LRRC74A: variants seen among roughly 807,000 people sequenced by gnomAD.
The protein encoded by LRRC74A is leucine rich repeat containing 74A, also known as leucine-rich repeat-containing protein 74A.
A neutral mutation model predicts 57.9 loss-of-function variants in LRRC74A; 44 were observed. The ratio of observed to expected loss-of-function variants is 0.76; its 90% CI spans 0.60 to 0.98. The LOEUF is 0.98. Ranked by LOEUF, LRRC74A falls within the 50% of genes least tolerant of loss-of-function variation. The pLI, the probability that LRRC74A is intolerant of heterozygous loss-of-function variation, is 0.00. For missense variants in LRRC74A, 572 were observed against 574.0 expected (o/e 1.00, Z 0.04); for synonymous variants, 211 against 219.4 (o/e 0.96, Z 0.34).
intron 5 of LRRC74A, among the ~76,000 whole-genome samples, chr14:76,843,249 C>T (rs922241127): frequency 1.4e-5 from 2 of 144,906 alleles, no homozygotes; most frequent in African/African-American, 2.6e-5. Flanking sequence ...CGCCACTGCA[C>T]TGCACTCCAG....
chr14:76,831,514 G>A lies in LRRC74A; in HGVS notation c.339+139G>A. The A allele has an allele frequency of 4.5e-6, 4 of 895,682 alleles. No individual in the cohort carries two copies. In the South Asian group the frequency reaches 7.4e-5, roughly 17 times the overall value. The allele number at this position is 895,682 out of a possible 1,614,324, so 55.5% of individuals were successfully genotyped here. On this transcript the variant is annotated intron_variant, in intron 3 of 13. Transcript: ENST00000689127. ...CTTATGCCACACTGCCCTGGGCTCT[G>A]CTTGGCTGCCAGATGATTTATTTAG...
At chr14:76,838,017 A>T (rs1896489748) in intron 5 of LRRC74A, 46 bp downstream of exon 5, 1 of 1,250,330 alleles carries the variant, frequency 8.0e-7, no homozygotes, top group Middle Eastern at 1.9e-4. Context: ...AATCAGAGGG[A>T]GGGAAGAGGG....
chr14:76,865,394 AT>A (rs1284822568), intron 11 of LRRC74A, among the ~76,000 whole-genome samples: 1 of 152,132 alleles, frequency 6.6e-6, no homozygotes, highest in African/African-American at 2.4e-5. Flanking sequence ...GGATGACTAT[AT>A]TTTTTAAATG....
At chr14:76,832,413 T>C (rs1474839528) in intron 3 of LRRC74A, among the ~76,000 whole-genome samples, 2 of 152,212 alleles carry the variant, frequency 1.3e-5, no homozygotes, top group East Asian at 1.9e-4. Context: ...GCTTAAGTGA[T>C]CCTCCTGCCT....
At chr14:76,864,744 C>G (rs1208245715) in intron 11 of LRRC74A, among the ~76,000 whole-genome samples, 3 of 152,066 alleles carry the variant, frequency 2.0e-5, no homozygotes, top group African/African-American at 7.2e-5. Flanking sequence ...ATCCCAGCTA[C>G]CCGGGAGGCT....
intron 13 of LRRC74A, among the ~76,000 whole-genome samples, chr14:76,869,473 G>A (rs775470512): frequency 4.6e-3 from 1 of 216 alleles, no homozygotes; most frequent in Non-Finnish European, 9.6e-3. Context: ...TCTAAACCCG[G>A]CTGGGCGCGG....
chr14:76,826,687 G>T lies in LRRC74A; in HGVS notation c.-11G>T, dbSNP rs1387753192. ...GAAGTTGGCAGCTGCCCTCAAGAGG[G>T]TCCTGGCACCATGGACAATGACAAG... On this transcript the variant is annotated 5_prime_UTR_variant, in exon 1 of 14. Coordinates refer to ENST00000689127, the MANE Select transcript of LRRC74A (RefSeq NM_001385106.1). The T allele has an allele frequency of 2.6e-6, 4 of 1,565,804 alleles. No homozygotes were observed. The highest frequency in any genetic ancestry group is 2.6e-6 in the Non-Finnish European group (3 of 1,157,694).
intron 13 of LRRC74A, among the ~76,000 whole-genome samples, chr14:76,869,016 C>A (rs78073923): frequency 0.035 from 5,269 of 152,180 alleles, 313 homozygotes; most frequent in African/African-American, 0.12. Flanking sequence ...GGCTCAGGCC[C>A]GCCCTGCTAC....
intron 10 of LRRC74A, among the ~76,000 whole-genome samples, chr14:76,860,355 C>T (rs1426352087): frequency 6.6e-6 from 1 of 152,178 alleles, no homozygotes; most frequent in African/African-American, 2.4e-5. Context: ...CAGACATGGA[C>T]ATTTCAGGGC....
intron 10 of LRRC74A, among the ~76,000 whole-genome samples, chr14:76,860,254 C>G (rs936579914): frequency 3.3e-5 from 5 of 152,276 alleles, no homozygotes; most frequent in African/African-American, 1.2e-4. Context: ...GAGGGCACTT[C>G]CAGAAGGGGA....
chr14:76,837,255 G>A (rs75982194), intron 4 of LRRC74A, among the ~76,000 whole-genome samples: 2,003 of 152,288 alleles, frequency 0.013, 25 homozygotes, highest in Non-Finnish European at 0.021. Context: ...GATGGCTGGC[G>A]GTGATGGTTA....
intron 7 of LRRC74A, among the ~76,000 whole-genome samples, chr14:76,845,216 C>T (rs181139323): frequency 3.3e-5 from 5 of 152,094 alleles, no homozygotes; most frequent in East Asian, 1.9e-4. Flanking sequence ...CCCAGCTACT[C>T]GGAAGGCTGA....
chr14:76,856,971 A>T (rs770995505), intron 9 of LRRC74A, among the ~76,000 whole-genome samples: 3 of 90,666 alleles, frequency 3.3e-5, no homozygotes, highest in Non-Finnish European at 5.9e-5. Context: ...TGGTGGTTGG[A>T]TGGATGGATG....
chr14:76,836,278 G>A lies in LRRC74A; in HGVS notation c.411G>A (p.Val137=), dbSNP rs1196346973. 5.0e-6 allele frequency: 8 copies of A among 1,613,556 alleles called. No individual in the cohort carries two copies. The African/African-American group carries it at 8.0e-5, about 16-fold the overall frequency. Residue 137 remains valine (V), a synonymous_variant, in exon 4 of 14, where the codon GTG becomes GTA. Coordinates refer to ENST00000689127, the MANE Select transcript of LRRC74A (RefSeq NM_001385106.1). The part of the protein sequence containing the change: ...CIMEEGVLSL[V]EMLQENYYLQ... ...TGGAGGAGGGCGTCTTGAGCCTGGTGGAGATGCTACAAGAGAACTACTACC... is the reference window on the plus strand; with the variant it reads ...TGGAGGAGGGCGTCTTGAGCCTGGTAGAGATGCTACAAGAGAACTACTACC...
At chr14:76,834,940 A>G (rs1367395700) in intron 3 of LRRC74A, among the ~76,000 whole-genome samples, 1 of 152,184 alleles carries the variant, frequency 6.6e-6, no homozygotes, top group Non-Finnish European at 1.5e-5. Context: ...CCTGCATTGC[A>G]ATAGCTTGGA....
In LRRC74A at chr14:76,860,678, C is replaced by A; in HGVS notation, c.1054-15C>A. 1 of 1,597,026 alleles carries A rather than the reference C, an allele frequency of 6.3e-7. No homozygotes were observed. The highest frequency in any genetic ancestry group is 8.5e-7 in the Non-Finnish European group (1 of 1,169,746). Reference sequence around the variant, plus strand: ...GTGCCCTCATCATCATGGGTCCCCTCTCTCCCTGTCACAGAACGTGCTGGT... The same window carrying A: ...GTGCCCTCATCATCATGGGTCCCCTATCTCCCTGTCACAGAACGTGCTGGT... On this transcript the variant is annotated splice_polypyrimidine_tract_variant and intron_variant, in intron 10 of 13. Transcript: ENST00000689127.
intron 9 of LRRC74A, among the ~76,000 whole-genome samples, chr14:76,854,592 C>G (rs1354061192): frequency 6.6e-6 from 1 of 152,066 alleles, no homozygotes; most frequent in Non-Finnish European, 1.5e-5. Context: ...GGTGACAGAG[C>G]AAGACTCTGT....
chr14:76,840,679 G>A (rs970112267), intron 5 of LRRC74A, among the ~76,000 whole-genome samples: 2 of 151,428 alleles, frequency 1.3e-5, no homozygotes, highest in African/African-American at 4.9e-5. Flanking sequence ...GCCCCCCGGG[G>A]TTCACACCAT....
At chr14:76,848,688 A>G (rs8003586) in intron 7 of LRRC74A, among the ~76,000 whole-genome samples, 63,877 of 152,162 alleles carry the variant, frequency 0.42, 13,675 homozygotes, top group East Asian at 0.52. Context: ...CATAGAGTCC[A>G]AGGAGAGTTC....
Sources: gnomAD v4.1 joint callset for allele counts (sites outside exome capture counted in the v4.1 genomes callset) on GRCh38, gnomAD v4.1.1 for gene constraint, MANE v1.5 for transcripts, NCBI Gene and HGNC (gene_info 2026-07-23, HGNC 2026-07-21) for gene names.